Variants in GNA12 observed in about 807,000 individuals in gnomAD.
The protein encoded by GNA12 is G protein subunit alpha 12.
GNA12 carries 9 observed loss-of-function variants against 26.0 expected under a neutral mutation model. The observed-to-expected ratio is 0.35, with a 90% confidence interval of 0.21 to 0.60. The LOEUF (loss-of-function observed/expected upper bound fraction) is 0.60. GNA12 is among the 20% of genes least tolerant of loss of function. GNA12 has a pLI of 0.78. For synonymous variants in GNA12, 264 were observed against 219.6 expected (o/e 1.20, Z -1.79); for missense variants, 405 against 525.8 (o/e 0.77, Z 2.25).
intron 2 of GNA12, among the ~76,000 whole-genome samples, chr7:2,789,067 C>T (rs1207440104): frequency 1.3e-5 from 2 of 151,882 alleles, no homozygotes; most frequent in African/African-American, 4.8e-5. Flanking sequence ...ATCCACCTGC[C>T]TTGGCCTCCC....
intron 2 of GNA12, chr7:2,762,958 G>T: frequency 1.8e-5 from 24 of 1,363,514 alleles, no homozygotes; most frequent in Non-Finnish European, 2.2e-5. Flanking sequence ...CCCGTGCCAG[G>T]GTCTCCTGCT....
At chr7:2,843,782 G>T in intron 1 of GNA12, 71 bp downstream of exon 1, 1 of 804,828 alleles carries the variant, frequency 1.2e-6, no homozygotes. Flanking sequence ...GCGGACCACG[G>T]AGGGGCCCGG....
At chr7:2,836,815 T>C (rs1583318899) in intron 1 of GNA12, among the ~76,000 whole-genome samples, 1 of 152,014 alleles carries the variant, frequency 6.6e-6, no homozygotes, top group Admixed American at 6.6e-5. Context: ...TCCCAGCTAC[T>C]TGGGAGGCTG....
At chr7:2,761,299 A>T (rs1371369391) in intron 2 of GNA12, among the ~76,000 whole-genome samples, 2 of 151,970 alleles carry the variant, frequency 1.3e-5, no homozygotes, top group Non-Finnish European at 2.9e-5. Flanking sequence ...CAAAGCCACC[A>T]CCCCATGCTC....
At position 2,731,044 on chromosome 7, in the gene GNA12, C is replaced by A. The variant is rs12721530; in HGVS notation, c.*137G>T. The A allele has an allele frequency of 3.8e-3, 2,332 of 610,000 alleles. 8 individuals carry two copies. Among genetic ancestry groups the A allele is most frequent in the Middle Eastern group, 7.6e-3 (18 of 2,366 alleles). The allele number at this position is 610,000 out of a possible 1,614,324, so 37.8% of individuals were successfully genotyped here. On this transcript the variant is annotated 3_prime_UTR_variant, in exon 4 of 4. Transcript: ENST00000275364. This position sits in a 1 kb window ranked among gnomAD's most constrained non-coding sequence, Gnocchi z 6.0. Reference sequence around the variant, plus strand: ...AGAGCTCGCTGGCTGGCTGGTCTGACAGCATTCCTGAGCCAGGTATTCCAG... The same window carrying A: ...AGAGCTCGCTGGCTGGCTGGTCTGAAAGCATTCCTGAGCCAGGTATTCCAG...
At chr7:2,786,699 G>A (rs1475671027) in intron 2 of GNA12, among the ~76,000 whole-genome samples, 2 of 152,140 alleles carry the variant, frequency 1.3e-5, no homozygotes, top group East Asian at 1.9e-4. Flanking sequence ...AACACTAATC[G>A]AATGCTTGAG....
chr7:2,745,648 G>A (rs1468550801), intron 2 of GNA12, among the ~76,000 whole-genome samples: 1 of 152,204 alleles, frequency 6.6e-6, no homozygotes, highest in Admixed American at 6.5e-5. Flanking sequence ...CATAATGACA[G>A]GATCAAATTC....
intron 1 of GNA12, among the ~76,000 whole-genome samples, chr7:2,840,326 G>C (rs929889168): frequency 3.9e-5 from 6 of 152,144 alleles, no homozygotes; most frequent in African/African-American, 1.4e-4. Flanking sequence ...AGCTGACTTT[G>C]AACAGATTTT....
At chr7:2,819,597 T>TA (rs919053205) in intron 1 of GNA12, among the ~76,000 whole-genome samples, 3 of 151,628 alleles carry the variant, frequency 2.0e-5, no homozygotes, top group African/African-American at 7.3e-5. Context: ...TAATCCAAAT[T>TA]AAAAAAATGG....
In GNA12 at chr7:2,843,900, T is replaced by C; in HGVS notation, c.262A>G (p.Lys88Glu). ...GTGTCGCGGAACTCCAGCAGCGCCT[T>C]CTGGTCGAACTCGCGGCCGTGGATG... ...RIIHGREFDQ[K>E]ALLEFRDTIF... Residue 88 changes from lysine (K) to glutamate (E), a missense_variant, in exon 1 of 4, where the codon AAG becomes GAG. Coordinates refer to ENST00000275364, the MANE Select transcript of GNA12 (RefSeq NM_007353.3). 6.3e-7 allele frequency: 1 copy of C among 1,576,204 alleles called. No individual in the cohort carries two copies. Among genetic ancestry groups the C allele is most frequent in the Non-Finnish European group, 8.6e-7 (1 of 1,162,816 alleles).
intron 1 of GNA12, among the ~76,000 whole-genome samples, chr7:2,840,031 T>C (rs150629743): frequency 6.6e-6 from 1 of 152,142 alleles, no homozygotes; most frequent in Non-Finnish European, 1.5e-5. Context: ...ACTGCCAGGG[T>C]CTGGGACAGG....
chr7:2,825,791 A>G (rs1168054357), intron 1 of GNA12, among the ~76,000 whole-genome samples: 4 of 152,218 alleles, frequency 2.6e-5, no homozygotes, highest in Admixed American at 2.0e-4. Context: ...CCGCAGACAC[A>G]AAGCAGCTGC....
chr7:2,747,207 G>A (rs1315223223), intron 2 of GNA12, among the ~76,000 whole-genome samples: 1 of 152,124 alleles, frequency 6.6e-6, no homozygotes, highest in East Asian at 1.9e-4. Flanking sequence ...GCCTGGCAGA[G>A]ACACAACCAA....
At chr7:2,823,287 G>T (rs984901461) in intron 1 of GNA12, among the ~76,000 whole-genome samples, 1 of 152,076 alleles carries the variant, frequency 6.6e-6, no homozygotes, top group Non-Finnish European at 1.5e-5. Context: ...GAGACAAGAG[G>T]GAACTATTTA....
rs905046365 is a variant in GNA12 at position 2,730,696 on chromosome 7, G to C, written c.*485C>G. ...GCACTGAGTTTAGCAGCATCGGCGT[G>C]CACTGGATCTCTACAAGCTACTGTT... On this transcript the variant is annotated 3_prime_UTR_variant, in exon 4 of 4. Transcript: ENST00000275364. 1.9e-5 allele frequency: 3 copies of C among 155,326 alleles called. No individual in the cohort carries two copies. The highest frequency in any genetic ancestry group is 7.2e-5 in the African/African-American group (3 of 41,512). The allele number at this position is 155,326 out of a possible 1,614,324, so 9.6% of individuals were successfully genotyped here.
intron 1 of GNA12, among the ~76,000 whole-genome samples, chr7:2,833,612 A>C (rs1198922510): frequency 6.6e-6 from 1 of 152,214 alleles, no homozygotes; most frequent in Non-Finnish European, 1.5e-5. Context: ...TAGTTAGCTG[A>C]CGGAAAAAGA....
chr7:2,731,122 G>C lies in GNA12; in HGVS notation c.*59C>G, dbSNP rs1789866041. 1 of 1,152,370 alleles carries C rather than the reference G, an allele frequency of 8.7e-7. No homozygotes were observed. The highest frequency in any genetic ancestry group is 1.9e-5 in the Admixed American group (1 of 52,890). The allele number at this position is 1,152,370 out of a possible 1,614,324, so 71.4% of individuals were successfully genotyped here. A position where few individuals can be genotyped will look rare whatever the true frequency, so the allele number is the denominator to read the frequency against. On this transcript the variant is annotated 3_prime_UTR_variant, in exon 4 of 4. Transcript: ENST00000275364. This position sits in a 1 kb window ranked among gnomAD's most constrained non-coding sequence, Gnocchi z 6.0. ...GACCACACAGACAACACACACCCAAGAGTCTGACCGACAGCCGTGGGGGCT... is the reference window on the plus strand; with the variant it reads ...GACCACACAGACAACACACACCCAACAGTCTGACCGACAGCCGTGGGGGCT...
intron 1 of GNA12, among the ~76,000 whole-genome samples, chr7:2,840,508 CTAAATGG>C (rs1778961401): frequency 6.6e-6 from 1 of 152,228 alleles, no homozygotes; most frequent in Admixed American, 6.5e-5. Context: ...AAGTATTATT[CTAAATGG>C]TATCATTCAA....
At chr7:2,819,273 C>G (rs3778900) in intron 1 of GNA12, among the ~76,000 whole-genome samples, 1 of 152,198 alleles carries the variant, frequency 6.6e-6, no homozygotes. Flanking sequence ...CCTGAATGAA[C>G]TTGGATGCCG....
Sources: allele counts gnomAD v4.1 joint callset (sites outside exome capture counted in the v4.1 genomes callset), GRCh38; gene constraint gnomAD v4.1.1; non-coding constraint Gnocchi (gnomAD v3.1); transcripts MANE v1.5; gene names NCBI Gene and HGNC (gene_info 2026-07-23, HGNC 2026-07-21).